The following TPST1 variants were observed in gnomAD, a reference collection of about 807,000 sequenced individuals.
The protein encoded by TPST1 is protein-tyrosine sulfotransferase 1.
TPST1 carries 20 observed loss-of-function variants against 34.8 expected under a neutral mutation model. The ratio of observed to expected loss-of-function variants is 0.57; its 90% CI spans 0.40 to 0.84. TPST1 has a LOEUF of 0.84. Among genes scored for constraint, TPST1 ranks in the 40% least tolerant of loss-of-function variants. TPST1 has a pLI of 0.00. For synonymous variants in TPST1, 152 were observed against 159.4 expected, an observed-to-expected ratio of 0.95 and a Z score of 0.35; for missense variants, 353 against 455.5, an observed-to-expected ratio of 0.78 and a Z score of 2.05.
intron 1 of TPST1, among the ~76,000 whole-genome samples, chr7:66,234,895 G>C (rs1279399009): frequency 1.3e-5 from 2 of 151,996 alleles, no homozygotes; most frequent in Admixed American, 6.6e-5. Flanking sequence ...GGATGGTCTC[G>C]ATCTCCTGAC....
intron 3 of TPST1, among the ~76,000 whole-genome samples, chr7:66,313,975 C>A (rs918245390): frequency 7.9e-5 from 12 of 152,052 alleles, no homozygotes; most frequent in Admixed American, 3.9e-4. Context: ...TTCCATGATA[C>A]TGATATTTTT....
At chr7:66,348,931 GT>G (rs930073758) in intron 3 of TPST1, among the ~76,000 whole-genome samples, 2 of 149,878 alleles carry the variant, frequency 1.3e-5, no homozygotes, top group Middle Eastern at 3.4e-3. Flanking sequence ...GCATACCTAG[GT>G]TTTTTTTTTC....
At chr7:66,348,357 C>G (rs1227829027) in intron 3 of TPST1, among the ~76,000 whole-genome samples, 1 of 152,236 alleles carries the variant, frequency 6.6e-6, no homozygotes, top group Non-Finnish European at 1.5e-5. Context: ...CTTAATTTCT[C>G]TGTGTCTCAG....
intron 2 of TPST1, among the ~76,000 whole-genome samples, chr7:66,255,335 G>A (rs1374897519): frequency 6.6e-6 from 1 of 151,964 alleles, no homozygotes; most frequent in Non-Finnish European, 1.5e-5. Context: ...CTACAACAAA[G>A]AATTTATTCA....
chr7:66,293,135 G>C (rs1450480303), intron 3 of TPST1, among the ~76,000 whole-genome samples: 3 of 151,918 alleles, frequency 2.0e-5, no homozygotes, highest in Admixed American at 6.6e-5. Flanking sequence ...GAACCCGGGA[G>C]GCAGAGCTTG....
upstream of TPST1, among the ~76,000 whole-genome samples, chr7:66,202,667 A>G (rs1475167485): frequency 6.6e-6 from 1 of 152,230 alleles, no homozygotes; most frequent in Non-Finnish European, 1.5e-5. Context: ...TCTGAAATGT[A>G]GAAAGCAGAA....
At chr7:66,267,666 T>C (rs1299575985) in intron 2 of TPST1, among the ~76,000 whole-genome samples, 1 of 152,192 alleles carries the variant, frequency 6.6e-6, no homozygotes. Flanking sequence ...TAACTATTAA[T>C]CTGAAGCTAG....
At chr7:66,213,531 A>C (rs1433225999) in intron 1 of TPST1, among the ~76,000 whole-genome samples, 2 of 152,146 alleles carry the variant, frequency 1.3e-5, no homozygotes, top group African/African-American at 2.4e-5. Context: ...CGAGGCGGGC[A>C]GATCACGAGG....
At chr7:66,308,753 T>C (rs1791472491) in intron 3 of TPST1, among the ~76,000 whole-genome samples, 1 of 152,180 alleles carries the variant, frequency 6.6e-6, no homozygotes, top group Admixed American at 6.5e-5. Context: ...TTTAGGGATG[T>C]TGTTGCCCCC....
At chr7:66,330,454 C>G (rs541556810) in intron 3 of TPST1, among the ~76,000 whole-genome samples, 1 of 152,304 alleles carries the variant, frequency 6.6e-6, no homozygotes, top group Admixed American at 6.5e-5. Flanking sequence ...TTTCTCTGTC[C>G]TCTTACATCT....
chr7:66,285,146 C>A (rs946742672), intron 2 of TPST1, among the ~76,000 whole-genome samples: 1 of 152,092 alleles, frequency 6.6e-6, no homozygotes, highest in Non-Finnish European at 1.5e-5. Flanking sequence ...TTTCAGAATT[C>A]AGAATTTTTT....
chr7:66,225,243 C>T (rs539909729), intron 1 of TPST1, among the ~76,000 whole-genome samples: 143 of 151,970 alleles, frequency 9.4e-4, no homozygotes, highest in Non-Finnish European at 1.8e-3. Context: ...TTAGATCAAC[C>T]TTAGCTCTAT....
At chr7:66,307,211 G>A (rs1032516971) in intron 3 of TPST1, among the ~76,000 whole-genome samples, 14 of 151,514 alleles carry the variant, frequency 9.2e-5, no homozygotes, top group African/African-American at 1.9e-4. Context: ...TCCGCCTCCC[G>A]GGTTCATGCC....
intron 3 of TPST1, among the ~76,000 whole-genome samples, chr7:66,307,634 T>A (rs1253613679): frequency 2.6e-5 from 4 of 152,188 alleles, no homozygotes; most frequent in Non-Finnish European, 4.4e-5. Context: ...CCAGACCCCC[T>A]GGGAGCAGCG....
intron 5 of TPST1, among the ~76,000 whole-genome samples, chr7:66,357,891 C>T (rs1451032566): frequency 1.3e-5 from 2 of 152,154 alleles, no homozygotes; most frequent in African/African-American, 2.4e-5. Context: ...CGAGACCAGC[C>T]TGGCCAACAT....
intron 3 of TPST1, among the ~76,000 whole-genome samples, chr7:66,292,867 C>T (rs1246257775): frequency 6.6e-6 from 1 of 151,846 alleles, no homozygotes; most frequent in Non-Finnish European, 1.5e-5. Context: ...CCTATTCGGC[C>T]ATCTTGGCTC....
Position 66,352,823 on chromosome 7 carries a change from T to C in TPST1, c.1095+268T>C, listed in dbSNP as rs369295232. The C allele has an allele frequency of 6.5e-5, 64 of 985,442 alleles. 1 individual carries two copies. In the East Asian group the frequency reaches 3.2e-3, roughly 49 times the overall value. The allele number at this position is 985,442 out of a possible 1,614,324, so 61.0% of individuals were successfully genotyped here. A position where few individuals can be genotyped will look rare whatever the true frequency, so the allele number is the denominator to read the frequency against. On this transcript the variant is annotated intron_variant, in intron 4 of 5. Transcript: ENST00000304842. ...TTATTGATAACCAAATTCTGATTGC[T>C]TGAGGTCCTGCACAAGCCGCCCAGT...
intron 3 of TPST1, among the ~76,000 whole-genome samples, chr7:66,341,467 GATGGGTTATC>G (rs1792235852): frequency 2.0e-5 from 3 of 152,228 alleles, no homozygotes; most frequent in Admixed American, 2.0e-4. Context: ...TTTTGGTAGA[GATGGGTTATC>G]ACCATCTTGG....
chr7:66,319,411 T>C (rs544111247), intron 3 of TPST1, among the ~76,000 whole-genome samples: 1 of 152,328 alleles, frequency 6.6e-6, no homozygotes, highest in Admixed American at 6.5e-5. Flanking sequence ...CCTGCTACTT[T>C]AAAAAAATAC....
Sources: allele counts gnomAD v4.1 joint callset (sites outside exome capture counted in the v4.1 genomes callset), GRCh38; gene constraint gnomAD v4.1.1; transcripts MANE v1.5; gene names NCBI Gene and HGNC (gene_info 2026-07-23, HGNC 2026-07-21).